The following EVC variants were observed in gnomAD, a reference collection of about 807,000 sequenced individuals.
EVC encodes the protein EvC ciliary complex subunit 1.
In EVC, 116 loss-of-function variants were observed where a neutral mutation model predicts 118.9. The ratio of observed to expected loss-of-function variants is 0.98; its 90% CI spans 0.84 to 1.14. EVC has a LOEUF of 1.14. EVC is among the 50% of genes most tolerant of loss of function. The probability of loss-of-function intolerance (pLI) is 0.00; values close to 1 mark genes in which losing one functional copy is unlikely to be tolerated. For missense variants in EVC, 1,401 were observed against 1,246.4 expected (o/e 1.12, Z -1.87); for synonymous variants, 619 against 534.7 (o/e 1.16, Z -2.18).
At chr4:5,765,211 T>C (rs1263871949) in intron 11 of EVC, among the ~76,000 whole-genome samples, 1 of 117,960 alleles carries the variant, frequency 8.5e-6, no homozygotes, top group Non-Finnish European at 1.8e-5. Flanking sequence ...AGTTGAGCGG[T>C]TTTGAGTGAG....
At chr4:5,732,918 G>A (rs1727059160) in intron 4 of EVC, among the ~76,000 whole-genome samples, 1 of 152,210 alleles carries the variant, frequency 6.6e-6, no homozygotes, top group African/African-American at 2.4e-5. Context: ...GCTGAGGTGG[G>A]AGGATTGCTT....
rs893524966 is a variant in EVC, at chr4:5,738,773, G to A, written c.703-2943G>A. On this transcript the variant is annotated intron_variant, in intron 5 of 20. Coordinates refer to ENST00000264956, the MANE Select transcript of EVC (RefSeq NM_153717.3). The surrounding 1 kb of genome is among the most constrained non-coding windows in gnomAD (Gnocchi z 6.5). The stretch of plus-strand genomic sequence containing the variant: ...GTAGAGACGGGGTTTCACCATGTTG[G>A]CCAGGATGGGTCTCAATCTCTTGAC... Among the ~76,000 whole-genome samples the A allele has an allele frequency of 2.0e-5, 3 of 151,930 alleles. No individual in the cohort carries two copies. Among genetic ancestry groups the A allele is most frequent in the Non-Finnish European group, 4.4e-5 (3 of 67,992 alleles).
intron 11 of EVC, among the ~76,000 whole-genome samples, chr4:5,772,046 G>A (rs934405515): frequency 2.0e-5 from 3 of 151,920 alleles, no homozygotes; most frequent in South Asian, 2.1e-4. Context: ...TACAGGCACC[G>A]CCACCACGCC....
rs1371675195 is a variant in EVC at position 5,746,940 on chromosome 4, A to G, written c.940-1208A>G. ...AAGAGAATCAGGAGTTTGTAAGCAG[A>G]GCGGGCTGTGTAGAGTTGGCAGGTG... On this transcript the variant is annotated intron_variant, in intron 7 of 20. Transcript: ENST00000264956. This position sits in a 1 kb window ranked among gnomAD's most constrained non-coding sequence, Gnocchi z 5.8. 2.0e-5 allele frequency among the ~76,000 whole-genome samples: 3 copies of G among 152,112 alleles called. No individual in the cohort carries two copies. The highest frequency in any genetic ancestry group is 2.0e-4 in the Admixed American group (3 of 15,274).
chr4:5,746,239 T>G lies in EVC; in HGVS notation c.939+898T>G, dbSNP rs1388263972. ...AAGCAGGGGGTGGCTGGCTTCAGCT[T>G]CTGCTTTAGAAGGGCTGCCCAGGCA... is the stretch of plus-strand genomic sequence containing the variant. On this transcript the variant is annotated intron_variant, in intron 7 of 20. Coordinates refer to ENST00000264956, the MANE Select transcript of EVC (RefSeq NM_153717.3). This position sits in a 1 kb window ranked among gnomAD's most constrained non-coding sequence, Gnocchi z 5.8. 2.6e-5 allele frequency among the ~76,000 whole-genome samples: 4 copies of G among 152,202 alleles called. No homozygotes were observed. The highest frequency in any genetic ancestry group is 4.4e-5 in the Non-Finnish European group (3 of 68,032).
intron 11 of EVC, among the ~76,000 whole-genome samples, chr4:5,783,235 T>G (rs941260769): frequency 2.0e-5 from 3 of 152,138 alleles, no homozygotes. Flanking sequence ...TGTGCATGTG[T>G]TCCTGTGTGT....
chr4:5,773,242 CTGT>C (rs1162412584), intron 11 of EVC, among the ~76,000 whole-genome samples: 1 of 152,196 alleles, frequency 6.6e-6, no homozygotes, highest in Non-Finnish European at 1.5e-5. Context: ...CACAGTCATG[CTGT>C]GTAACAAGAC....
chr4:5,806,090 T>C (rs1715863126), intron 17 of EVC, among the ~76,000 whole-genome samples: 1 of 151,758 alleles, frequency 6.6e-6, no homozygotes, highest in African/African-American at 2.4e-5. Flanking sequence ...ACTCTCTTTT[T>C]TTTTTTTGAG....
At chr4:5,799,671 C>G (rs1714618858) in intron 15 of EVC, among the ~76,000 whole-genome samples, 1 of 152,208 alleles carries the variant, frequency 6.6e-6, no homozygotes, top group Non-Finnish European at 1.5e-5. Context: ...CTGTGCCCAG[C>G]AGGCAGCCCT....
intron 11 of EVC, among the ~76,000 whole-genome samples, chr4:5,776,313 G>A (rs1225776539): frequency 1.3e-5 from 2 of 152,040 alleles, no homozygotes; most frequent in Non-Finnish European, 2.9e-5. Context: ...TTTTCTTAAA[G>A]ACTATTTTAT....
Position 5,792,212 on chromosome 4 carries a change from G to T in EVC, c.1777-1396G>T, listed in dbSNP as rs888079857. 2.0e-5 allele frequency among the ~76,000 whole-genome samples: 3 copies of T among 152,188 alleles called. No homozygotes were observed. The East Asian group carries it at 5.8e-4, about 29-fold the overall frequency. The stretch of plus-strand genomic sequence containing the variant: ...CCATTAGTCACAATAAATACTAGCA[G>T]ATCCATTCAGATTGCTAAAAAACAC... On this transcript the variant is annotated intron_variant, in intron 12 of 20. Coordinates refer to ENST00000264956, the MANE Select transcript of EVC (RefSeq NM_153717.3).
At chr4:5,787,988 C>A (rs562184604) in intron 12 of EVC, among the ~76,000 whole-genome samples, 126 of 152,284 alleles carry the variant, frequency 8.3e-4, no homozygotes, top group African/African-American at 3.0e-3. Context: ...TGCTTCTCCT[C>A]CCAGCTCACT....
At chr4:5,780,289 T>G (rs926249042) in intron 11 of EVC, among the ~76,000 whole-genome samples, 1 of 152,216 alleles carries the variant, frequency 6.6e-6, no homozygotes, top group African/African-American at 2.4e-5. Context: ...GCTAGGTACA[T>G]TCACCATACT....
In EVC at chr4:5,807,467, C is replaced by T. The variant is rs116032494; in HGVS notation, c.2562-734C>T. 2.8e-3 allele frequency among the ~76,000 whole-genome samples: 430 copies of T among 152,296 alleles called. 4 individuals carry two copies. Among genetic ancestry groups the T allele is most frequent in the African/African-American group, 9.7e-3 (402 of 41,568 alleles). ...GGCCCTGACTTCAGGTCTAGAAATT[C>T]GACCCCTTTCAGAAAATCTGCCCTA... On this transcript the variant is annotated intron_variant, in intron 17 of 20. Transcript: ENST00000264956.
rs899690 is a variant in EVC at position 5,755,742 on chromosome 4, G to A, written c.1465-522G>A. On this transcript the variant is annotated intron_variant, in intron 10 of 20. Coordinates refer to ENST00000264956, the MANE Select transcript of EVC (RefSeq NM_153717.3). This position sits in a 1 kb window ranked among gnomAD's most constrained non-coding sequence, Gnocchi z 4.1. ...GTCCTTCTGCCCCACCTCGCCCCTC[G>A]CTGATGCTCTGTTTAGGGCTGGCTG... 1.3e-5 allele frequency among the ~76,000 whole-genome samples: 2 copies of A among 151,958 alleles called. No homozygotes were observed. The highest frequency in any genetic ancestry group is 1.3e-4 in the Admixed American group (2 of 15,272).
chr4:5,772,578 C>T (rs558927662), intron 11 of EVC, among the ~76,000 whole-genome samples: 3 of 152,240 alleles, frequency 2.0e-5, no homozygotes, highest in East Asian at 3.9e-4. Context: ...GACCACTTAG[C>T]TTGGTCCACG....
intron 1 of EVC, among the ~76,000 whole-genome samples, chr4:5,713,993 A>C (rs528544931): frequency 1.3e-5 from 2 of 152,326 alleles, no homozygotes; most frequent in East Asian, 1.9e-4. Context: ...ACCCTGATGC[A>C]CAGGTGCCCA....
Position 5,813,883 on chromosome 4 carries a change from C to G in EVC, c.*2846C>G, listed in dbSNP as rs902203592. 7 of 152,246 alleles carry G rather than the reference C, an allele frequency of 4.6e-5. No homozygotes were observed. Among genetic ancestry groups the G allele is most frequent in the Non-Finnish European group, 1.0e-4 (7 of 68,048 alleles). The allele number at this position is 152,246 out of a possible 1,614,324, so 9.4% of individuals were successfully genotyped here. On this transcript the variant is annotated 3_prime_UTR_variant, in exon 21 of 21. Transcript: ENST00000264956. ...GGGGCACAGGCCTCCATGATGAAGA[C>G]GCGTGGGCTGTCGGTGCTTTCATCC...
chr4:5,721,205 A>C (rs1344571416), intron 2 of EVC, among the ~76,000 whole-genome samples: 18 of 152,104 alleles, frequency 1.2e-4, no homozygotes, highest in Admixed American at 1.2e-3. Flanking sequence ...CCACCCAAAA[A>C]CTTGTACACA....
Sources: allele counts gnomAD v4.1 joint callset (sites outside exome capture counted in the v4.1 genomes callset), GRCh38; gene constraint gnomAD v4.1.1; non-coding constraint Gnocchi (gnomAD v3.1); transcripts MANE v1.5; gene names NCBI Gene and HGNC (gene_info 2026-07-23, HGNC 2026-07-21).